Variants in SLC41A2 observed in about 807,000 individuals in gnomAD.
SLC41A2 encodes solute carrier family 41 member 2.
A neutral mutation model predicts 58.3 loss-of-function variants in SLC41A2; 32 were observed. The ratio of observed to expected loss-of-function variants is 0.55; its 90% CI spans 0.41 to 0.74. The LOEUF is 0.74. Ranked by LOEUF, SLC41A2 falls within the 30% of genes least tolerant of loss-of-function variation. The probability of loss-of-function intolerance (pLI) is 0.00; values close to 1 mark genes in which losing one functional copy is unlikely to be tolerated. For synonymous variants in SLC41A2, 190 were observed against 235.0 expected (o/e 0.81, Z 1.75); for missense variants, 514 against 680.6 (o/e 0.76, Z 2.72).
intron 4 of SLC41A2, among the ~76,000 whole-genome samples, chr12:104,891,380 T>C (rs55652121): frequency 0.17 from 26,410 of 151,820 alleles, 3,972 homozygotes; most frequent in African/African-American, 0.4. Flanking sequence ...AAAGCTGAGA[T>C]GGAAATTATT....
At position 104,803,804 on chromosome 12, in the gene SLC41A2, A is replaced by G. The variant is rs1329133669; in HGVS notation, c.*1348T>C. Reference sequence around the variant, plus strand: ...CGTAGAAATAAGCCTGTACAAATGGATATGTTTAAGCATGAACAATAATTG... The same window carrying G: ...CGTAGAAATAAGCCTGTACAAATGGGTATGTTTAAGCATGAACAATAATTG... On this transcript the variant is annotated 3_prime_UTR_variant, in exon 11 of 11. Transcript: ENST00000258538. The G allele has an allele frequency of 6.6e-6, 1 of 152,160 alleles. No individual in the cohort carries two copies. The highest frequency in any genetic ancestry group is 1.5e-5 in the Non-Finnish European group (1 of 68,034). The allele number at this position is 152,160 out of a possible 1,614,324, so 9.4% of individuals were successfully genotyped here.
At chr12:104,808,340 G>T (rs369313254) in intron 10 of SLC41A2, among the ~76,000 whole-genome samples, 5 of 151,988 alleles carry the variant, frequency 3.3e-5, no homozygotes, top group South Asian at 2.1e-4. Flanking sequence ...GGTTTTTGTC[G>T]TTGGTTCTGT....
chr12:104,826,508 C>A lies in SLC41A2; in HGVS notation c.1536+17964G>T, dbSNP rs545723093. On this transcript the variant is annotated intron_variant, in intron 10 of 10. Transcript: ENST00000258538. ...ATTAAAGACATGAGTCCCAGAGGCA[C>A]CCCCAGCAGAGAAGCCAGCACCCTC... 7.9e-5 allele frequency among the ~76,000 whole-genome samples: 12 copies of A among 152,222 alleles called. No individual in the cohort carries two copies. The South Asian group carries it at 2.3e-3, about 29-fold the overall frequency.
intron 10 of SLC41A2, among the ~76,000 whole-genome samples, chr12:104,822,342 T>C (rs1282284385): frequency 6.6e-6 from 1 of 152,204 alleles, no homozygotes; most frequent in Non-Finnish European, 1.5e-5. Flanking sequence ...TCTACTACCA[T>C]GCCCACTTCA....
At position 104,845,848 on chromosome 12, in the gene SLC41A2, C is replaced by T; in HGVS notation, c.1382G>A (p.Gly461Asp). Residue 461 changes from glycine to aspartate, a missense_variant, in exon 9 of 11, where the codon GGT (glycine) becomes GAT (aspartate). Physicochemically the swap from Gly to Asp is moderately conservative, Grantham distance 94. Coordinates refer to ENST00000258538, the MANE Select transcript of SLC41A2 (RefSeq NM_001352171.3). ...GCYYPFRTFF[G>D]PGVNNKSAQV... is the part of the protein sequence containing the mutation. ...AAAAATCCATAAGCACATACCTGGACCAAAGAAAGTTCTAAATGGGTAGTA... is the reference window on the plus strand; with the variant it reads ...AAAAATCCATAAGCACATACCTGGATCAAAGAAAGTTCTAAATGGGTAGTA... 6.2e-7 allele frequency: 1 copy of T among 1,612,020 alleles called. No homozygotes were observed. The highest frequency in any genetic ancestry group is 1.3e-5 in the African/African-American group (1 of 74,964).
intron 10 of SLC41A2, among the ~76,000 whole-genome samples, chr12:104,821,388 A>G (rs1253881602): frequency 6.6e-6 from 1 of 152,212 alleles, no homozygotes; most frequent in African/African-American, 2.4e-5. Context: ...GACCTACATG[A>G]TAACATTCAT....
At chr12:104,897,594 A>G (rs1188976425) in intron 3 of SLC41A2, among the ~76,000 whole-genome samples, 1 of 152,182 alleles carries the variant, frequency 6.6e-6, no homozygotes. Context: ...TTAGTCTAAG[A>G]TAAAACAATA....
intron 10 of SLC41A2, among the ~76,000 whole-genome samples, chr12:104,820,625 T>C (rs1452211101): frequency 2.0e-5 from 3 of 152,186 alleles, no homozygotes; most frequent in Non-Finnish European, 2.9e-5. Context: ...AATATGCACA[T>C]AGTTATTTAA....
At chr12:104,858,940 T>C (rs1049484120) in intron 8 of SLC41A2, among the ~76,000 whole-genome samples, 2 of 152,238 alleles carry the variant, frequency 1.3e-5, no homozygotes, top group African/African-American at 4.8e-5. Context: ...TAAAGCCTTA[T>C]AATAAAAGGG....
chr12:104,943,016 A>G lies in SLC41A2; in HGVS notation c.-167-14322T>C, dbSNP rs182301135. ...CCTTAACACATTTTTATACTCTCAC[A>G]GTTCAATTTTTAAAATGCAAAACCC... On this transcript the variant is annotated intron_variant, in intron 1 of 10. Coordinates refer to ENST00000258538, the MANE Select transcript of SLC41A2 (RefSeq NM_001352171.3). Among the ~76,000 whole-genome samples the G allele has an allele frequency of 5.3e-5, 8 of 152,326 alleles. No homozygotes were observed. The East Asian group carries it at 1.2e-3, about 22-fold the overall frequency.
intron 8 of SLC41A2, among the ~76,000 whole-genome samples, chr12:104,853,747 GTATGTATGTA>G: frequency 6.9e-6 from 1 of 144,488 alleles, no homozygotes; most frequent in African/African-American, 2.7e-5. Context: ...ATGTATGTAT[GTATGTATGTA>G]TTTAGAGACA....
At chr12:104,877,865 T>C (rs1052067642) in intron 6 of SLC41A2, among the ~76,000 whole-genome samples, 6 of 151,924 alleles carry the variant, frequency 3.9e-5, no homozygotes, top group African/African-American at 1.5e-4. Context: ...CCGGGCATGG[T>C]AGCGTGTGCT....
chr12:104,898,930 T>A (rs75935712), intron 3 of SLC41A2, among the ~76,000 whole-genome samples: 5,802 of 152,210 alleles, frequency 0.038, 152 homozygotes, highest in East Asian at 0.1. Context: ...AAGATAGCAC[T>A]ACACACCTAT....
In SLC41A2 at chr12:104,803,346, C is replaced by A. The variant is rs1036677019; in HGVS notation, c.*1806G>T. ...GAATGTTCACTATGTAACATTATAACTCTCCAAAGGAGAAATTCTATAATT... is the reference window on the plus strand; with the variant it reads ...GAATGTTCACTATGTAACATTATAAATCTCCAAAGGAGAAATTCTATAATT... On this transcript the variant is annotated 3_prime_UTR_variant, in exon 11 of 11. Transcript: ENST00000258538. 6.6e-6 allele frequency: 1 copy of A among 152,048 alleles called. No homozygotes were observed. The highest frequency in any genetic ancestry group is 1.5e-5 in the Non-Finnish European group (1 of 67,986). The allele number at this position is 152,048 out of a possible 1,614,324, so 9.4% of individuals were successfully genotyped here. A position where few individuals can be genotyped will look rare whatever the true frequency, so the allele number is the denominator to read the frequency against.
intron 10 of SLC41A2, among the ~76,000 whole-genome samples, chr12:104,830,515 C>A (rs1370236185): frequency 6.6e-6 from 1 of 151,970 alleles, no homozygotes; most frequent in Non-Finnish European, 1.5e-5. Context: ...TAGTTGAATA[C>A]ACGTATGTGG....
intron 2 of SLC41A2, among the ~76,000 whole-genome samples, chr12:104,911,605 A>G (rs949085128): frequency 2.6e-5 from 4 of 152,192 alleles, no homozygotes; most frequent in African/African-American, 9.6e-5. Flanking sequence ...GAAAAGTAAA[A>G]CTTATATCTA....
intron 6 of SLC41A2, among the ~76,000 whole-genome samples, chr12:104,884,779 C>T (rs116611043): frequency 0.019 from 2,901 of 152,292 alleles, 32 homozygotes; most frequent in African/African-American, 0.036. Flanking sequence ...TCTCTCTTCA[C>T]CAATACAGTT....
At chr12:104,810,219 A>C (rs961768149) in intron 10 of SLC41A2, among the ~76,000 whole-genome samples, 4 of 152,200 alleles carry the variant, frequency 2.6e-5, no homozygotes, top group African/African-American at 4.8e-5. Context: ...ATCTATAAAT[A>C]GAACAAGTTA....
intron 1 of SLC41A2, chr12:104,951,452 T>C (rs2047951277): frequency 6.6e-6 from 1 of 152,204 alleles, no homozygotes; most frequent in Non-Finnish European, 1.5e-5. Flanking sequence ...ATCAAAAATT[T>C]AGTAAGATAA....
Sources: gnomAD v4.1 joint callset for allele counts (sites outside exome capture counted in the v4.1 genomes callset) on GRCh38, gnomAD v4.1.1 for gene constraint, MANE v1.5 for transcripts, NCBI Gene and HGNC (gene_info 2026-07-23, HGNC 2026-07-21) for gene names.